HTR4: variants seen among roughly 807,000 people sequenced by gnomAD.
The protein encoded by HTR4 is 5-hydroxytryptamine receptor 4, also known as 5-hydroxytryptamine (serotonin) receptor 4, G protein-coupled.
Under a neutral mutation model 36.8 loss-of-function variants are expected in HTR4, and 16 were observed. The observed-to-expected ratio is 0.43, with a 90% CI of 0.29 to 0.66. HTR4 has a LOEUF of 0.66. Ranked by LOEUF, HTR4 falls within the 30% of genes least tolerant of loss-of-function variation. The pLI, the probability that HTR4 is intolerant of heterozygous loss-of-function variation, is 0.13. For synonymous variants in HTR4, 189 were observed against 185.1 expected (o/e 1.02, Z -0.17); for missense variants, 438 against 490.9 (o/e 0.89, Z 1.02).
Position 148,508,025 on chromosome 5 carries a change from T to C in HTR4, c.1076+1431A>G, listed in dbSNP as rs568983061. Among the ~76,000 whole-genome samples, 3 of 152,306 alleles carry C rather than the reference T, an allele frequency of 2.0e-5. No individual in the cohort carries two copies. The East Asian group carries it at 5.8e-4, about 29-fold the overall frequency. On this transcript the variant is annotated intron_variant, in intron 6 of 6. Transcript: ENST00000377888. ...TCCACCAGCTGAAACCACAACACCA[T>C]GCTAGGCTTTAGCTACAAATCTGCC...
intron 6 of HTR4, among the ~76,000 whole-genome samples, chr5:148,488,573 A>C (rs6883389): frequency 6.6e-6 from 1 of 152,090 alleles, no homozygotes; most frequent in Non-Finnish European, 1.5e-5. Context: ...AAATAATAGC[A>C]TGGCATGGGT....
intron 5 of HTR4, among the ~76,000 whole-genome samples, chr5:148,470,238 A>T (rs1246953655): frequency 6.6e-6 from 1 of 152,206 alleles, no homozygotes; most frequent in Non-Finnish European, 1.5e-5. Context: ...AATATTTACT[A>T]TATATAAGCC....
chr5:148,614,923 T>C (rs987759601), intron 2 of HTR4, among the ~76,000 whole-genome samples: 3 of 150,062 alleles, frequency 2.0e-5, no homozygotes. Context: ...AAAAAACACA[T>C]GAAAAAATGC....
intron 4 of HTR4, among the ~76,000 whole-genome samples, chr5:148,540,447 T>A (rs1163313300): frequency 1.7e-4 from 19 of 108,956 alleles, no homozygotes; most frequent in Non-Finnish European, 2.3e-4. Context: ...TATATATATA[T>A]AATCTTATAT....
intron 1 of HTR4, among the ~76,000 whole-genome samples, chr5:148,653,768 C>T (rs1168515934): frequency 6.6e-6 from 1 of 152,196 alleles, no homozygotes; most frequent in Non-Finnish European, 1.5e-5. Context: ...ACATACACAA[C>T]CTCCCTTGTA....
At chr5:148,540,829 C>G (rs74830538) in intron 4 of HTR4, among the ~76,000 whole-genome samples, 3,046 of 152,134 alleles carry the variant, frequency 0.02, 50 homozygotes, top group Middle Eastern at 0.048. Flanking sequence ...GGGACATACT[C>G]AGGGCTGGAA....
At chr5:148,471,402 A>T (rs1561564401) in intron 5 of HTR4, among the ~76,000 whole-genome samples, 1 of 151,858 alleles carries the variant, frequency 6.6e-6, no homozygotes, top group Non-Finnish European at 1.5e-5. Flanking sequence ...ATTTTCCCAG[A>T]CTCTTCTGTA....
intron 6 of HTR4, among the ~76,000 whole-genome samples, chr5:148,500,546 T>C (rs1756889511): frequency 6.6e-6 from 1 of 151,744 alleles, no homozygotes; most frequent in African/African-American, 2.4e-5. Context: ...GAAACTTCTG[T>C]AAGTCAAAAG....
chr5:148,492,165 A>G (rs979117405), intron 6 of HTR4, among the ~76,000 whole-genome samples: 4 of 152,188 alleles, frequency 2.6e-5, no homozygotes, highest in African/African-American at 9.7e-5. Context: ...GAGGGCTGGT[A>G]CACAGAACCT....
chr5:148,494,529 A>G (rs1284442353), intron 6 of HTR4, among the ~76,000 whole-genome samples: 2 of 152,102 alleles, frequency 1.3e-5, no homozygotes, highest in African/African-American at 2.4e-5. Flanking sequence ...TATTGATTTC[A>G]TATAGAAATC....
chr5:148,594,569 T>G (rs2127261763), intron 2 of HTR4, among the ~76,000 whole-genome samples: 1 of 152,216 alleles, frequency 6.6e-6, no homozygotes, highest in Non-Finnish European at 1.5e-5. Context: ...CATGTGGGCC[T>G]CCCCTGACTT....
intron 2 of HTR4, among the ~76,000 whole-genome samples, chr5:148,599,097 A>T (rs1409745328): frequency 3.3e-5 from 5 of 152,312 alleles, no homozygotes; most frequent in East Asian, 3.9e-4. Flanking sequence ...ACTAGATAAT[A>T]GAGATAAAAA....
chr5:148,647,868 A>T (rs1753919720), intron 1 of HTR4, among the ~76,000 whole-genome samples: 1 of 152,174 alleles, frequency 6.6e-6, no homozygotes. Flanking sequence ...ACAAAACAAA[A>T]GAAGAAGGTG....
chr5:148,518,302 A>G (rs1007886878), intron 5 of HTR4, among the ~76,000 whole-genome samples: 1 of 152,112 alleles, frequency 6.6e-6, no homozygotes, highest in Admixed American at 6.5e-5. Flanking sequence ...TATAAACTTT[A>G]CAAGGATGTG....
At chr5:148,478,336 G>T (rs1242017486), downstream of HTR4, among the ~76,000 whole-genome samples, 1 of 152,168 alleles carries the variant, frequency 6.6e-6, no homozygotes, top group Non-Finnish European at 1.5e-5. Flanking sequence ...CCAAGGGTAG[G>T]TTAGTTTGGA....
At chr5:148,620,462 C>T (rs1752874317) in intron 2 of HTR4, among the ~76,000 whole-genome samples, 1 of 152,174 alleles carries the variant, frequency 6.6e-6, no homozygotes, top group South Asian at 2.1e-4. Context: ...TAGCCACTAG[C>T]CACGTTTAGT....
intron 4 of HTR4, among the ~76,000 whole-genome samples, chr5:148,541,433 A>G (rs1482450479): frequency 6.6e-6 from 1 of 152,236 alleles, no homozygotes; most frequent in African/African-American, 2.4e-5. Flanking sequence ...AGCAAGGCAG[A>G]CAAATCAAAC....
intron 2 of HTR4, among the ~76,000 whole-genome samples, chr5:148,567,143 G>A (rs1264297771): frequency 6.6e-6 from 1 of 152,062 alleles, no homozygotes; most frequent in Non-Finnish European, 1.5e-5. Flanking sequence ...GTGCTTAATA[G>A]ATGAAATTTT....
intron 6 of HTR4, among the ~76,000 whole-genome samples, chr5:148,495,125 G>A (rs3957781): frequency 0.5 from 76,363 of 152,106 alleles, 20,290 homozygotes; most frequent in African/African-American, 0.69. Flanking sequence ...GAGAGAGCAG[G>A]GAAACCCATC....
Sources: allele counts gnomAD v4.1 joint callset (sites outside exome capture counted in the v4.1 genomes callset), GRCh38; gene constraint gnomAD v4.1.1; transcripts MANE v1.5; gene names NCBI Gene and HGNC (gene_info 2026-07-23, HGNC 2026-07-21).